ANKS1B: variants seen among roughly 807,000 people sequenced by gnomAD.
ANKS1B encodes ankyrin repeat and sterile alpha motif domain-containing protein 1B.
Under a neutral mutation model 148.3 loss-of-function variants are expected in ANKS1B, and 36 were observed. The ratio of observed to expected loss-of-function variants is 0.24; its 90% confidence interval spans 0.19 to 0.32. The LOEUF (loss-of-function observed/expected upper bound fraction) is 0.32. ANKS1B is among the 10% of genes least tolerant of loss of function. ANKS1B has a pLI of 1.00. For synonymous variants in ANKS1B, 542 were observed against 560.8 expected, an observed-to-expected ratio of 0.97 and a Z score of 0.47; for missense variants, 1,157 against 1,542.6, an observed-to-expected ratio of 0.75 and a Z score of 4.19.
intron 10 of ANKS1B, among the ~76,000 whole-genome samples, chr12:99,470,780 T>C (rs1225322030): frequency 6.6e-6 from 1 of 152,094 alleles, no homozygotes; most frequent in Non-Finnish European, 1.5e-5. Flanking sequence ...AAAAACTGGA[T>C]GGAAATTGCC....
chr12:98,859,090 T>C (rs1053091799), intron 17 of ANKS1B, among the ~76,000 whole-genome samples: 26 of 152,206 alleles, frequency 1.7e-4, no homozygotes, highest in African/African-American at 6.3e-4. Context: ...GTAGAAGACA[T>C]TCTTGCCCTT....
chr12:99,744,780 T>C (rs1601239695), intron 8 of ANKS1B, among the ~76,000 whole-genome samples: 1 of 151,644 alleles, frequency 6.6e-6, no homozygotes, highest in African/African-American at 2.4e-5. Context: ...TCACCTGAGG[T>C]CAGAAGTTTG....
At chr12:98,986,839 G>T (rs2099923717) in intron 17 of ANKS1B, among the ~76,000 whole-genome samples, 1 of 151,874 alleles carries the variant, frequency 6.6e-6, no homozygotes, top group African/African-American at 2.4e-5. Context: ...GACTGTTCTT[G>T]ATCTCCTGGG....
chr12:98,975,413 T>C, intron 17 of ANKS1B, among the ~76,000 whole-genome samples: 1 of 151,354 alleles, frequency 6.6e-6, no homozygotes. Flanking sequence ...TGACTTCCTT[T>C]CTTCCCTCCC....
intron 14 of ANKS1B, among the ~76,000 whole-genome samples, chr12:99,236,395 C>T (rs2153957760): frequency 6.6e-6 from 1 of 152,256 alleles, no homozygotes; most frequent in Non-Finnish European, 1.5e-5. Flanking sequence ...AGGAAACTTA[C>T]AATCATGGTG....
intron 2 of ANKS1B, among the ~76,000 whole-genome samples, chr12:99,813,810 A>AT (rs1457528937): frequency 6.6e-6 from 1 of 151,724 alleles, no homozygotes; most frequent in Non-Finnish European, 1.5e-5. Flanking sequence ...AACCAGCATT[A>AT]TTTTACGAAA....
At chr12:99,853,133 A>G (rs1202903040) in intron 1 of ANKS1B, among the ~76,000 whole-genome samples, 1 of 151,840 alleles carries the variant, frequency 6.6e-6, no homozygotes, top group African/African-American at 2.4e-5. Flanking sequence ...CTCTACCCAC[A>G]CTGGTAGCTA....
intron 19 of ANKS1B, among the ~76,000 whole-genome samples, chr12:98,809,188 T>C (rs1333668147): frequency 2.0e-5 from 3 of 152,192 alleles, no homozygotes; most frequent in Non-Finnish European, 4.4e-5. Flanking sequence ...ACCTTTCACT[T>C]AAACCAGCTC....
chr12:99,528,880 G>A (rs2096958661), intron 9 of ANKS1B, among the ~76,000 whole-genome samples: 1 of 152,108 alleles, frequency 6.6e-6, no homozygotes, highest in Non-Finnish European at 1.5e-5. Context: ...AACATTTGGT[G>A]TTTAACACTG....
At chr12:98,793,117 CCAA>C (rs1185509376) in intron 22 of ANKS1B, among the ~76,000 whole-genome samples, 1 of 152,202 alleles carries the variant, frequency 6.6e-6, no homozygotes, top group Non-Finnish European at 1.5e-5. Context: ...CACATTCTCA[CCAA>C]CATTTGTTAT....
At chr12:99,579,110 A>G (rs563332056) in intron 9 of ANKS1B, among the ~76,000 whole-genome samples, 2 of 152,158 alleles carry the variant, frequency 1.3e-5, no homozygotes, top group Non-Finnish European at 2.9e-5. Flanking sequence ...AGGACACCCT[A>G]TTCTATAAAT....
At chr12:99,489,112 C>A (rs112677659) in intron 10 of ANKS1B, among the ~76,000 whole-genome samples, 15 of 151,744 alleles carry the variant, frequency 9.9e-5, no homozygotes, top group Non-Finnish European at 1.8e-4. Context: ...CATGGTGGCA[C>A]GCACCTATAA....
chr12:98,978,180 TTA>T (rs2099900970), intron 17 of ANKS1B, among the ~76,000 whole-genome samples: 3 of 152,332 alleles, frequency 2.0e-5, no homozygotes, highest in East Asian at 3.9e-4. Context: ...ATGGTTGAAT[TTA>T]TGTCTATTAC....
At chr12:98,742,263 G>GGA (rs1380531259), downstream of ANKS1B, among the ~76,000 whole-genome samples, 1 of 152,122 alleles carries the variant, frequency 6.6e-6, no homozygotes, top group African/African-American at 2.4e-5. Flanking sequence ...GACAAATGAA[G>GGA]GATGTCTTAT....
chr12:99,720,852 T>A (rs2058009574), intron 8 of ANKS1B, among the ~76,000 whole-genome samples: 2 of 152,178 alleles, frequency 1.3e-5, no homozygotes, highest in Admixed American at 6.5e-5. Flanking sequence ...ACTGCCGGTT[T>A]ACACTGTTTC....
chr12:98,952,478 T>C (rs2099855594), intron 17 of ANKS1B, among the ~76,000 whole-genome samples: 1 of 152,218 alleles, frequency 6.6e-6, no homozygotes, highest in Non-Finnish European at 1.5e-5. Context: ...CTTTTCACCT[T>C]TTGGCATGCA....
intron 17 of ANKS1B, among the ~76,000 whole-genome samples, chr12:99,007,617 C>A (rs551462042): frequency 3.2e-4 from 49 of 152,224 alleles, no homozygotes; most frequent in Admixed American, 1.7e-3. Flanking sequence ...CAAGATTTTC[C>A]ATTGCTCCAT....
At chr12:98,783,180 C>G (rs555882844) in intron 22 of ANKS1B, among the ~76,000 whole-genome samples, 51 of 152,318 alleles carry the variant, frequency 3.3e-4, no homozygotes, top group South Asian at 3.3e-3. Flanking sequence ...AAAATCTATT[C>G]GTTATTTGTT....
chr12:99,652,335 T>C (rs151188342), intron 9 of ANKS1B, among the ~76,000 whole-genome samples: 2 of 152,034 alleles, frequency 1.3e-5, no homozygotes, highest in African/African-American at 4.8e-5. Context: ...TAGCCAAGCA[T>C]AGTGGCGCAC....
Sources: gnomAD v4.1 joint callset for allele counts (sites outside exome capture counted in the v4.1 genomes callset) on GRCh38, gnomAD v4.1.1 for gene constraint, MANE v1.5 for transcripts, NCBI Gene and HGNC (gene_info 2026-07-23, HGNC 2026-07-21) for gene names.